Variants in IRF2 observed in about 807,000 individuals in gnomAD.
IRF2 encodes interferon regulatory factor 2.
A neutral mutation model predicts 40.6 loss-of-function variants in IRF2; 15 were observed. The observed-to-expected ratio is 0.37, with a 90% CI of 0.25 to 0.57. The LOEUF (loss-of-function observed/expected upper bound fraction) is 0.57. Among genes scored for constraint, IRF2 ranks in the 20% least tolerant of loss-of-function variants. The pLI is 0.77. For synonymous variants in IRF2, 151 were observed against 165.5 expected, an observed-to-expected ratio of 0.91 and a Z score of 0.67; for missense variants, 317 against 455.7, an observed-to-expected ratio of 0.70 and a Z score of 2.77.
intron 1 of IRF2, 140 bp from the exon 2 acceptor site, chr4:184,429,210 T>C (rs984457263): frequency 1.5e-5 from 10 of 667,928 alleles, no homozygotes; most frequent in Non-Finnish European, 2.4e-5. Flanking sequence ...GTCGGTGTAC[T>C]CAGGGGCTGT....
chr4:184,417,692 G>T (rs1737330959), intron 5 of IRF2, among the ~76,000 whole-genome samples: 1 of 152,238 alleles, frequency 6.6e-6, no homozygotes, highest in Non-Finnish European at 1.5e-5. Context: ...TGTTCTGATA[G>T]AGTGCTGACA....
chr4:184,434,753 G>T (rs1181138577), intron 1 of IRF2, among the ~76,000 whole-genome samples: 1 of 151,456 alleles, frequency 6.6e-6, no homozygotes, highest in Non-Finnish European at 1.5e-5. Context: ...CCCCCATGAA[G>T]TTGACAGTAC....
At chr4:184,422,461 C>T (rs969717895) in intron 2 of IRF2, among the ~76,000 whole-genome samples, 1 of 152,202 alleles carries the variant, frequency 6.6e-6, no homozygotes, top group Non-Finnish European at 1.5e-5. Context: ...TCTAAGCCAA[C>T]ATTCAAACCA....
intron 1 of IRF2, among the ~76,000 whole-genome samples, chr4:184,437,831 CAA>C (rs35659512): frequency 0.39 from 47,150 of 120,512 alleles, 7,546 homozygotes; most frequent in South Asian, 0.5. Flanking sequence ...TTGGAACGTA[CAA>C]AAAAAAAAAA....
Position 184,429,075 on chromosome 4 carries a change from A to C in IRF2, c.-6-5T>G. The C allele has an allele frequency of 6.2e-7, 1 of 1,608,362 alleles. No individual in the cohort carries two copies. Among genetic ancestry groups the C allele is most frequent in the Middle Eastern group, 1.7e-4 (1 of 6,022 alleles). On this transcript the variant is annotated splice_region_variant and splice_polypyrimidine_tract_variant and intron_variant, in intron 1 of 8. Coordinates refer to ENST00000393593, the MANE Select transcript of IRF2 (RefSeq NM_002199.4). ...CCTTTCCACCGGCATGGTGCCCTTG[A>C]GGGAGAGAAACACAGCGTCAGGCGT...
At chr4:184,393,404 T>C (rs1736328261) in intron 7 of IRF2, among the ~76,000 whole-genome samples, 1 of 152,212 alleles carries the variant, frequency 6.6e-6, no homozygotes, top group African/African-American at 2.4e-5. Flanking sequence ...ATCACTGTCT[T>C]CTTTTCCTTT....
chr4:184,463,539 T>C (rs1460485533), intron 1 of IRF2, among the ~76,000 whole-genome samples: 1 of 152,262 alleles, frequency 6.6e-6, no homozygotes, highest in Non-Finnish European at 1.5e-5. Flanking sequence ...AAATGAGATA[T>C]ATTATTACAA....
chr4:184,422,982 AAAG>A, intron 2 of IRF2, among the ~76,000 whole-genome samples: 1 of 152,372 alleles, frequency 6.6e-6, no homozygotes, highest in Non-Finnish European at 1.5e-5. Context: ...TCAGGAAAAA[AAAG>A]AAAAGACTAA....
intron 1 of IRF2, among the ~76,000 whole-genome samples, chr4:184,470,413 G>A (rs1739472325): frequency 6.6e-6 from 1 of 152,170 alleles, no homozygotes; most frequent in African/African-American, 2.4e-5. Flanking sequence ...CGGCGCAGTG[G>A]CTCATGCCTG....
At chr4:184,458,802 C>G (rs1739033174) in intron 1 of IRF2, among the ~76,000 whole-genome samples, 1 of 152,120 alleles carries the variant, frequency 6.6e-6, no homozygotes, top group Admixed American at 6.5e-5. Context: ...AAAACTAAAC[C>G]AACAATGAAT....
At chr4:184,431,643 G>A (rs1737882776) in intron 1 of IRF2, among the ~76,000 whole-genome samples, 1 of 152,146 alleles carries the variant, frequency 6.6e-6, no homozygotes, top group African/African-American at 2.4e-5. Context: ...GTAGTTACAG[G>A]ATAGGGGTAG....
chr4:184,468,596 C>T (rs1739412428), intron 1 of IRF2, among the ~76,000 whole-genome samples: 1 of 152,124 alleles, frequency 6.6e-6, no homozygotes, highest in Non-Finnish European at 1.5e-5. Context: ...GACCACAGGC[C>T]CCTGTCCGAA....
intron 2 of IRF2, among the ~76,000 whole-genome samples, chr4:184,425,715 G>A (rs1225289818): frequency 6.6e-6 from 1 of 152,250 alleles, no homozygotes; most frequent in Admixed American, 6.5e-5. Flanking sequence ...CTGCCTGAAA[G>A]GGGCCAAGTG....
chr4:184,452,307 T>A (rs773497204), intron 1 of IRF2, among the ~76,000 whole-genome samples: 2 of 152,166 alleles, frequency 1.3e-5, no homozygotes, highest in Non-Finnish European at 2.9e-5. Context: ...GCGAAGACCA[T>A]AGGCTTCGGC....
At chr4:184,407,804 C>T (rs563591909) in intron 6 of IRF2, among the ~76,000 whole-genome samples, 218 of 152,302 alleles carry the variant, frequency 1.4e-3, no homozygotes, top group Middle Eastern at 0.014. Flanking sequence ...AGAGGACTCG[C>T]GAGGACCATC....
intron 2 of IRF2, among the ~76,000 whole-genome samples, chr4:184,427,798 G>A (rs927541816): frequency 6.6e-6 from 1 of 152,186 alleles, no homozygotes; most frequent in African/African-American, 2.4e-5. Flanking sequence ...GTTGGAAGCA[G>A]GCTACAATCT....
rs199920647 is a variant in IRF2 at position 184,398,909 on chromosome 4, G to A, written c.694+6C>T. 2.8e-4 allele frequency: 446 copies of A among 1,592,820 alleles called. No homozygotes were observed. Among genetic ancestry groups the A allele is most frequent in the Non-Finnish European group, 3.6e-4 (421 of 1,171,248 alleles). ...ACGCCTCCCGGAGCCTCCCGCTGAC[G>A]CTTACCTGCATAGGAAGACACGGGG... On this transcript the variant is annotated splice_donor_region_variant and intron_variant, in intron 7 of 8. Transcript: ENST00000393593.
intron 1 of IRF2, among the ~76,000 whole-genome samples, chr4:184,449,904 A>C (rs1180168606): frequency 6.6e-6 from 1 of 152,216 alleles, no homozygotes; most frequent in Non-Finnish European, 1.5e-5. Context: ...GGGTCTCATT[A>C]ATACTGACAC....
At chr4:184,424,236 G>A (rs895296506) in intron 2 of IRF2, among the ~76,000 whole-genome samples, 4 of 152,222 alleles carry the variant, frequency 2.6e-5, no homozygotes, top group African/African-American at 9.7e-5. Flanking sequence ...TCTCATTCAT[G>A]AGCTGGTTAT....
Sources: gnomAD v4.1 joint callset for allele counts (sites outside exome capture counted in the v4.1 genomes callset) on GRCh38, gnomAD v4.1.1 for gene constraint, MANE v1.5 for transcripts, NCBI Gene and HGNC (gene_info 2026-07-23, HGNC 2026-07-21) for gene names.